Variants in BCKDHB observed in about 807,000 individuals in gnomAD.
BCKDHB encodes the protein 2-oxoisovalerate dehydrogenase subunit beta, mitochondrial.
Under a neutral mutation model 48.5 loss-of-function variants are expected in BCKDHB, and 41 were observed. That is an observed-to-expected ratio of 0.85 (90% CI 0.66 to 1.10). The LOEUF is 1.10. BCKDHB is among the 50% of genes least tolerant of loss of function. BCKDHB has a pLI of 0.00. For missense variants in BCKDHB, 496 were observed against 494.2 expected, an observed-to-expected ratio of 1.00 and a Z score of -0.03; for synonymous variants, 201 against 174.8, an observed-to-expected ratio of 1.15 and a Z score of -1.18.
chr6:80,347,344 A>G (rs776457412), downstream of BCKDHB, among the ~76,000 whole-genome samples: 10 of 152,318 alleles, frequency 6.6e-5, no homozygotes, highest in Middle Eastern at 6.8e-3. Flanking sequence ...TACCATACAG[A>G]ACATTCTGAG....
chr6:80,280,650 A>C (rs1348831569), intron 9 of BCKDHB, among the ~76,000 whole-genome samples: 1 of 152,042 alleles, frequency 6.6e-6, no homozygotes, highest in Non-Finnish European at 1.5e-5. Context: ...TATAAATAAA[A>C]ATATATATCA....
intron 9 of BCKDHB, among the ~76,000 whole-genome samples, chr6:80,326,326 C>T (rs1010747547): frequency 6.6e-6 from 1 of 152,130 alleles, no homozygotes; most frequent in Admixed American, 6.5e-5. Flanking sequence ...GAGATCTTCT[C>T]TGTAATCCTC....
At chr6:80,226,375 C>T (rs373964170) in intron 8 of BCKDHB, among the ~76,000 whole-genome samples, 5 of 152,154 alleles carry the variant, frequency 3.3e-5, no homozygotes, top group Admixed American at 6.5e-5. Flanking sequence ...TGGGGAAGGG[C>T]GGCGCATTGA....
chr6:80,237,060 A>T (rs563465796), intron 8 of BCKDHB, among the ~76,000 whole-genome samples: 2 of 152,256 alleles, frequency 1.3e-5, no homozygotes, highest in South Asian at 2.1e-4. Context: ...TTCTGAGAGA[A>T]TTTTATAAGG....
chr6:80,426,045 A>C, the BCKDHB span, among the ~76,000 whole-genome samples: 1 of 152,194 alleles, frequency 6.6e-6, no homozygotes, highest in Non-Finnish European at 1.5e-5. Flanking sequence ...AGTGTTCTAA[A>C]TACAGCTTCA....
chr6:80,414,083 C>T, the BCKDHB span, among the ~76,000 whole-genome samples: 2 of 152,078 alleles, frequency 1.3e-5, no homozygotes, highest in East Asian at 3.9e-4. Flanking sequence ...TGATCATTGG[C>T]CACATGTATG....
chr6:80,426,424 T>A, the BCKDHB span, among the ~76,000 whole-genome samples: 640 of 152,294 alleles, frequency 4.2e-3, 7 homozygotes, highest in South Asian at 7.7e-3. Context: ...CTTAGATCAT[T>A]GATTCAGAAC....
Position 80,106,676 on chromosome 6 carries a change from T to C in BCKDHB, c.-18T>C, listed in dbSNP as rs1210461726. 1 of 1,549,716 alleles carries C rather than the reference T, an allele frequency of 6.5e-7. No individual in the cohort carries two copies. The highest frequency in any genetic ancestry group is 8.7e-7 in the Non-Finnish European group (1 of 1,147,138). On this transcript the variant is annotated 5_prime_UTR_variant, in exon 1 of 10. Coordinates refer to ENST00000320393, the MANE Select transcript of BCKDHB (RefSeq NM_183050.4). ...GGCGTGCGGCTGCATAGCCTGAGAA[T>C]CCCGGTGGTGAGCGGGGATGGCGGT...
intron 3 of BCKDHB, among the ~76,000 whole-genome samples, chr6:80,160,781 C>T (rs1274660927): frequency 6.6e-6 from 1 of 152,206 alleles, no homozygotes; most frequent in Non-Finnish European, 1.5e-5. Flanking sequence ...AATATACAGT[C>T]AGCCATCTGG....
intron 8 of BCKDHB, among the ~76,000 whole-genome samples, chr6:80,228,500 T>G (rs1176651466): frequency 6.6e-6 from 1 of 152,176 alleles, no homozygotes; most frequent in Admixed American, 6.5e-5. Flanking sequence ...AAGGTGGCAA[T>G]CTAAATCACC....
the BCKDHB span, among the ~76,000 whole-genome samples, chr6:80,371,899 T>C: frequency 1.1e-4 from 17 of 152,288 alleles, no homozygotes; most frequent in Non-Finnish European, 2.2e-4. Context: ...TAGTATAGTT[T>C]GAAGTCAGGT....
chr6:80,406,542 A>G, the BCKDHB span, among the ~76,000 whole-genome samples: 1 of 152,132 alleles, frequency 6.6e-6, no homozygotes, highest in Non-Finnish European at 1.5e-5. Context: ...TTTAGTGATC[A>G]CCATTCTAAC....
intron 3 of BCKDHB, among the ~76,000 whole-genome samples, chr6:80,145,340 G>A (rs1771428939): frequency 6.6e-6 from 1 of 152,162 alleles, no homozygotes; most frequent in Admixed American, 6.5e-5. Context: ...TGATGGTGCA[G>A]TAACAACATA....
chr6:80,373,826 C>T, the BCKDHB span, among the ~76,000 whole-genome samples: 2 of 152,004 alleles, frequency 1.3e-5, no homozygotes, highest in African/African-American at 4.8e-5. Context: ...AATAGCTACT[C>T]CTGCTTGCTT....
intron 8 of BCKDHB, among the ~76,000 whole-genome samples, chr6:80,268,090 C>T (rs1777588906): frequency 6.6e-6 from 1 of 151,922 alleles, no homozygotes; most frequent in Non-Finnish European, 1.5e-5. Context: ...GCCAGTGGTC[C>T]AGTCATGTGT....
intron 9 of BCKDHB, among the ~76,000 whole-genome samples, chr6:80,296,624 T>G (rs996638796): frequency 1.3e-5 from 2 of 152,182 alleles, no homozygotes; most frequent in African/African-American, 4.8e-5. Context: ...CATAAGGTAA[T>G]AGTCTCATAA....
chr6:80,141,556 C>T (rs1348590731), intron 3 of BCKDHB, among the ~76,000 whole-genome samples: 1 of 151,992 alleles, frequency 6.6e-6, no homozygotes, highest in East Asian at 1.9e-4. Flanking sequence ...ATGTAATGAC[C>T]TTAAGCCAGT....
chr6:80,231,349 A>G (rs1032997290), intron 8 of BCKDHB, among the ~76,000 whole-genome samples: 2 of 152,250 alleles, frequency 1.3e-5, no homozygotes, highest in African/African-American at 2.4e-5. Flanking sequence ...ATATTTGGCT[A>G]CATAAAAAAG....
At chr6:80,326,654 G>A (rs57488509) in intron 9 of BCKDHB, among the ~76,000 whole-genome samples, 2 of 152,146 alleles carry the variant, frequency 1.3e-5, no homozygotes, top group Non-Finnish European at 2.9e-5. Context: ...TTGGGAGGCC[G>A]AGGTAGGTAG....
Sources: allele counts gnomAD v4.1 joint callset (sites outside exome capture counted in the v4.1 genomes callset), GRCh38; gene constraint gnomAD v4.1.1; transcripts MANE v1.5; gene names NCBI Gene and HGNC (gene_info 2026-07-23, HGNC 2026-07-21).